CFAP44: variants seen among roughly 807,000 people sequenced by gnomAD.
The protein encoded by CFAP44 is cilia and flagella associated protein 44.
In CFAP44, 134 loss-of-function variants were observed where a neutral mutation model predicts 216.2. The observed-to-expected ratio is 0.62, with a 90% CI of 0.54 to 0.72. CFAP44 has a LOEUF of 0.72. CFAP44 is among the 30% of genes least tolerant of loss of function. CFAP44 has a pLI of 0.00. For synonymous variants in CFAP44, 700 were observed against 727.6 expected, an observed-to-expected ratio of 0.96 and a Z score of 0.61; for missense variants, 2,035 against 2,182.1, an observed-to-expected ratio of 0.93 and a Z score of 1.34.
At chr3:113,367,861 C>T (rs1178063733) in intron 18 of CFAP44, among the ~76,000 whole-genome samples, 1 of 152,120 alleles carries the variant, frequency 6.6e-6, no homozygotes, top group Non-Finnish European at 1.5e-5. Context: ...AGATGAATGG[C>T]TAACTAGAAT....
At chr3:113,396,017 A>T (rs546998495) in intron 14 of CFAP44, among the ~76,000 whole-genome samples, 157 bp from the exon 15 acceptor site, 2 of 152,260 alleles carry the variant, frequency 1.3e-5, no homozygotes, top group South Asian at 4.1e-4. Context: ...AACTTGCTCA[A>T]TTTTCCCCAT....
At chr3:113,372,521 T>C (rs144873260) in intron 18 of CFAP44, among the ~76,000 whole-genome samples, 2,573 of 152,140 alleles carry the variant, frequency 0.017, 45 homozygotes, top group Non-Finnish European at 0.025. Flanking sequence ...TAGGTGGGAA[T>C]TGAACAATGA....
intron 15 of CFAP44, among the ~76,000 whole-genome samples, chr3:113,382,272 G>A (rs1241410700): frequency 6.6e-6 from 1 of 152,016 alleles, no homozygotes; most frequent in Non-Finnish European, 1.5e-5. Context: ...AAAGCGAGAT[G>A]GTATTTCAAA....
At chr3:113,314,146 C>T (rs931503466) in intron 28 of CFAP44, among the ~76,000 whole-genome samples, 1 of 152,138 alleles carries the variant, frequency 6.6e-6, no homozygotes, top group African/African-American at 2.4e-5. Context: ...AGGATGAAAA[C>T]TTCCCTAATT....
intron 2 of CFAP44, 107 bp downstream of exon 2, chr3:113,433,458 A>AAAAAAAAAAAAAC: frequency 3.4e-6 from 1 of 295,860 alleles, no homozygotes; most frequent in East Asian, 6.8e-5. Flanking sequence ...AAAAAAAAAG[A>AAAAAAAAAAAAAC]TCTATTTTAT....
chr3:113,310,324 C>A (rs1335676715), intron 28 of CFAP44, among the ~76,000 whole-genome samples: 1 of 152,222 alleles, frequency 6.6e-6, no homozygotes, highest in Non-Finnish European at 1.5e-5. Context: ...TAAGTACTTG[C>A]CATCCCCACG....
chr3:113,382,033 AG>A (rs1341165630), intron 15 of CFAP44, among the ~76,000 whole-genome samples: 10 of 152,174 alleles, frequency 6.6e-5, no homozygotes, highest in African/African-American at 2.2e-4. Context: ...GGAGGGTTTG[AG>A]GGAGCAAGTC....
rs771654723 is a variant in CFAP44 at position 113,395,823 on chromosome 3, C to T, written c.1817G>A (p.Arg606Lys). The change falls in exon 15 of 35, where the codon AGG becomes AAG. Residue 606 changes from arginine (R) to lysine (K), a missense_variant. By Grantham distance (26) the Arg-to-Lys change is conservative. Transcript: ENST00000393845. ...DQTVFFFEVE[R>K]DYKPIGYINT... is the part of the protein sequence containing the mutation. The stretch of plus-strand genomic sequence containing the variant: ...AATATAACCAATCGGCTTATAATCC[C>T]TTTCCACTTCAAAGAAGAAAACAGT... The T allele has an allele frequency of 3.6e-5, 58 of 1,613,708 alleles. 1 individual carries two copies. The highest frequency in any genetic ancestry group is 4.8e-5 in the Non-Finnish European group (57 of 1,179,876).
chr3:113,311,517 T>C (rs575246804), intron 28 of CFAP44, among the ~76,000 whole-genome samples: 3 of 152,114 alleles, frequency 2.0e-5, no homozygotes, highest in Non-Finnish European at 4.4e-5. Context: ...TCCTGCCATG[T>C]TTCTGAGGCA....
rs138639506 is a variant in CFAP44, at chr3:113,364,232, A to G, written c.2716-700T>C. Among the ~76,000 whole-genome samples, 248 of 152,260 alleles carry G rather than the reference A, an allele frequency of 1.6e-3. 6 individuals carry two copies. Among genetic ancestry groups the G allele is most frequent in the Admixed American group, 0.014 (221 of 15,294 alleles). ...GGAGAATTATAACCCAGTGAACAAA[A>G]TAGTCTTAGTTTGCTAACTAGTCTG... On this transcript the variant is annotated intron_variant, in intron 19 of 34. Transcript: ENST00000393845.
intron 1 of CFAP44, chr3:113,434,866 T>TGG: frequency 6.6e-6 from 1 of 152,326 alleles, no homozygotes; most frequent in Admixed American, 6.5e-5. Flanking sequence ...TCTCTGAAGA[T>TGG]AGACTGGTAT....
intron 26 of CFAP44, 24 bp downstream of exon 26, chr3:113,330,144 A>C (rs992195871): frequency 2.0e-5 from 29 of 1,478,614 alleles, no homozygotes; most frequent in Non-Finnish European, 2.6e-5. Context: ...TTCAGCTTTA[A>C]CTAGGAACAG....
chr3:113,375,147 A>G (rs906955569), intron 17 of CFAP44, among the ~76,000 whole-genome samples: 3 of 99,398 alleles, frequency 3.0e-5, no homozygotes, highest in African/African-American at 1.8e-4. Context: ...AATCATAAGA[A>G]AGAAAGTATG....
At chr3:113,351,722 G>C (rs971988145) in intron 22 of CFAP44, among the ~76,000 whole-genome samples, 3 of 147,662 alleles carry the variant, frequency 2.0e-5, no homozygotes, top group Non-Finnish European at 3.0e-5. Context: ...CCAACCTCTG[G>C]AGTTGGGCGA....
intron 23 of CFAP44, among the ~76,000 whole-genome samples, chr3:113,343,419 G>GA (rs988419789): frequency 2.0e-5 from 3 of 151,964 alleles, no homozygotes; most frequent in Non-Finnish European, 4.4e-5. Flanking sequence ...TTAGAGACAT[G>GA]AAAAATTAAA....
At chr3:113,426,019 A>G (rs1407609611) in intron 4 of CFAP44, 105 bp downstream of exon 4, 5 of 1,379,262 alleles carry the variant, frequency 3.6e-6, no homozygotes, top group Non-Finnish European at 4.9e-6. Context: ...TGATTTACCA[A>G]AACAGGTGGG....
At chr3:113,380,477 C>A (rs1026767792) in intron 16 of CFAP44, among the ~76,000 whole-genome samples, 19 of 152,036 alleles carry the variant, frequency 1.2e-4, no homozygotes, top group African/African-American at 4.6e-4. Context: ...GTCACCTGAG[C>A]TGGAGTGCAT....
chr3:113,293,989 T>G, intron 34 of CFAP44: 1 of 456,698 alleles, frequency 2.2e-6, no homozygotes, highest in Non-Finnish European at 4.4e-6. Context: ...GATGCTCTTC[T>G]TCAGAGGACC....
At chr3:113,324,063 A>G (rs938996430) in intron 28 of CFAP44, among the ~76,000 whole-genome samples, 3 of 151,156 alleles carry the variant, frequency 2.0e-5, no homozygotes, top group African/African-American at 7.3e-5. Context: ...AAAAAAAGAG[A>G]GAAATAGATC....
Sources: allele counts gnomAD v4.1 joint callset (sites outside exome capture counted in the v4.1 genomes callset), GRCh38; gene constraint gnomAD v4.1.1; transcripts MANE v1.5; gene names NCBI Gene and HGNC (gene_info 2026-07-23, HGNC 2026-07-21).